The following FGGY variants were observed in gnomAD, a reference collection of about 807,000 sequenced individuals.
FGGY encodes FGGY carbohydrate kinase domain-containing protein.
In FGGY, 72 loss-of-function variants were observed where a neutral mutation model predicts 71.3. That is an observed-to-expected ratio of 1.01 (90% CI 0.84 to 1.23). The LOEUF (loss-of-function observed/expected upper bound fraction) is 1.23, where lower values mean the gene tolerates loss of function less well. FGGY is among the 50% of genes most tolerant of loss of function. The pLI, the probability that FGGY is intolerant of heterozygous loss-of-function variation, is 0.00. For missense variants in FGGY, 668 were observed against 682.3 expected (o/e 0.98, Z 0.23); for synonymous variants, 251 against 250.3 (o/e 1.00, Z -0.02).
chr1:59,650,883 C>T (rs903696266), intron 11 of FGGY, among the ~76,000 whole-genome samples: 2 of 149,052 alleles, frequency 1.3e-5, no homozygotes, highest in African/African-American at 5.1e-5. Context: ...CTCTTGTGGG[C>T]ATTTAGTGCT....
At chr1:59,364,092 G>A (rs1557677309) in intron 4 of FGGY, among the ~76,000 whole-genome samples, 1 of 152,176 alleles carries the variant, frequency 6.6e-6, no homozygotes. Context: ...TGGGAAGAAA[G>A]AAGAAGGGAC....
chr1:59,512,047 T>A (rs889255755), intron 6 of FGGY, among the ~76,000 whole-genome samples: 10 of 152,212 alleles, frequency 6.6e-5, no homozygotes, highest in Admixed American at 5.2e-4. Flanking sequence ...TTTTGAAATT[T>A]CCCATTTTCA....
At chr1:59,347,249 C>A (rs1161801441) in intron 4 of FGGY, among the ~76,000 whole-genome samples, 2 of 115,172 alleles carry the variant, frequency 1.7e-5, no homozygotes, top group African/African-American at 3.3e-5. Flanking sequence ...CTCCCCCCTC[C>A]CCCCACCCCA....
chr1:59,408,570 A>C (rs545989046), intron 5 of FGGY, among the ~76,000 whole-genome samples: 1 of 152,296 alleles, frequency 6.6e-6, no homozygotes, highest in Non-Finnish European at 1.5e-5. Context: ...TATATGTATA[A>C]ATATTCTGTC....
intron 9 of FGGY, among the ~76,000 whole-genome samples, chr1:59,612,742 C>G (rs1431356212): frequency 6.6e-6 from 1 of 152,132 alleles, no homozygotes; most frequent in Non-Finnish European, 1.5e-5. Context: ...GTGCTGTATT[C>G]AGGAAACCCA....
intron 5 of FGGY, among the ~76,000 whole-genome samples, chr1:59,418,641 G>A (rs61789972): frequency 0.17 from 25,654 of 152,146 alleles, 2,736 homozygotes; most frequent in East Asian, 0.36. Flanking sequence ...TACATTTTAC[G>A]TAAGATAAAG....
intron 7 of FGGY, among the ~76,000 whole-genome samples, chr1:59,523,120 A>T (rs1164104004): frequency 6.6e-6 from 1 of 152,252 alleles, no homozygotes; most frequent in East Asian, 1.9e-4. Context: ...TGGTTCTGAC[A>T]CTGCCAAGCA....
At chr1:59,313,605 T>C (rs569094366) in intron 1 of FGGY, among the ~76,000 whole-genome samples, 60 of 149,126 alleles carry the variant, frequency 4.0e-4, no homozygotes, top group African/African-American at 1.3e-3. Context: ...CACACACACA[T>C]GATGGAATAC....
In FGGY at chr1:59,713,280, C is replaced by G. The variant is rs193170141; in HGVS notation, c.1512+39147C>G. The stretch of plus-strand genomic sequence containing the variant: ...CCATTCAACAAGTCTCTAGGAAGTT[C>G]GAAACTTTCCCACATCTTCCTGTCT... On this transcript the variant is annotated intron_variant, in intron 14 of 15. Coordinates refer to ENST00000303721, the MANE Select transcript of FGGY (RefSeq NM_018291.5). 4.0e-4 allele frequency among the ~76,000 whole-genome samples: 61 copies of G among 152,280 alleles called. No homozygotes were observed. The East Asian group carries it at 0.011, about 28-fold the overall frequency.
At chr1:59,593,661 G>T (rs550685383) in intron 8 of FGGY, among the ~76,000 whole-genome samples, 6 of 152,120 alleles carry the variant, frequency 3.9e-5, no homozygotes, top group Non-Finnish European at 7.3e-5. Context: ...CCTTCTTCAA[G>T]CTGATATTAT....
intron 6 of FGGY, among the ~76,000 whole-genome samples, chr1:59,465,890 T>C (rs1288475781): frequency 6.6e-6 from 1 of 152,208 alleles, no homozygotes; most frequent in Non-Finnish European, 1.5e-5. Context: ...TGCATGCTCA[T>C]GGATAGGAAG....
At chr1:59,375,218 C>G (rs2058454823) in intron 4 of FGGY, among the ~76,000 whole-genome samples, 1 of 147,454 alleles carries the variant, frequency 6.8e-6, no homozygotes, top group Non-Finnish European at 1.5e-5. Flanking sequence ...TGAGATCGCA[C>G]CACTACACTC....
At chr1:59,724,637 G>A (rs1340165234) in intron 14 of FGGY, among the ~76,000 whole-genome samples, 1 of 151,934 alleles carries the variant, frequency 6.6e-6, no homozygotes, top group South Asian at 2.1e-4. Flanking sequence ...TACTTTTTTA[G>A]CATTTGGCAT....
Position 59,444,457 on chromosome 1 carries a change from T to C in FGGY, c.555-12504T>C, listed in dbSNP as rs188100736. Among the ~76,000 whole-genome samples the C allele has an allele frequency of 3.8e-3, 576 of 152,198 alleles. 1 individual carries two copies. Among genetic ancestry groups the C allele is most frequent in the African/African-American group, 0.013 (533 of 41,548 alleles). On this transcript the variant is annotated intron_variant, in intron 5 of 15. Transcript: ENST00000303721. ...TGATGAGAAACTGTATAATACATTA[T>C]TGTTAACTGTAGTCATCTTACAGTG...
chr1:59,611,284 T>G (rs997036766), intron 9 of FGGY, among the ~76,000 whole-genome samples: 2 of 152,086 alleles, frequency 1.3e-5, no homozygotes, highest in African/African-American at 4.8e-5. Flanking sequence ...GACTGACACC[T>G]CATACAACCA....
chr1:59,621,773 T>C (rs1572214156), intron 9 of FGGY, among the ~76,000 whole-genome samples: 1 of 152,142 alleles, frequency 6.6e-6, no homozygotes, highest in Non-Finnish European at 1.5e-5. Flanking sequence ...TCTTTGGCTT[T>C]TATTACGGTA....
At chr1:59,659,080 T>C (rs2153955801) in intron 11 of FGGY, among the ~76,000 whole-genome samples, 1 of 152,210 alleles carries the variant, frequency 6.6e-6, no homozygotes, top group Admixed American at 6.5e-5. Flanking sequence ...TATACATCTG[T>C]AATTCCAGCT....
chr1:59,623,201 C>T (rs1475321686), intron 9 of FGGY, among the ~76,000 whole-genome samples: 1 of 152,152 alleles, frequency 6.6e-6, no homozygotes, highest in Non-Finnish European at 1.5e-5. Context: ...TGGTCATCTC[C>T]CTGTCCTTTA....
intron 6 of FGGY, among the ~76,000 whole-genome samples, chr1:59,469,933 C>G (rs2092853309): frequency 6.6e-6 from 1 of 152,110 alleles, no homozygotes; most frequent in Non-Finnish European, 1.5e-5. Context: ...TGATCTTGTT[C>G]TTTTTTTATG....
Sources: gnomAD v4.1 joint callset for allele counts (sites outside exome capture counted in the v4.1 genomes callset) on GRCh38, gnomAD v4.1.1 for gene constraint, MANE v1.5 for transcripts, NCBI Gene and HGNC (gene_info 2026-07-23, HGNC 2026-07-21) for gene names.